Variants in HPSE2 observed in about 807,000 individuals in gnomAD.
HPSE2 encodes heparanase 2 (inactive).
A neutral mutation model predicts 60.5 loss-of-function variants in HPSE2; 38 were observed. The ratio of observed to expected loss-of-function variants is 0.63; its 90% confidence interval spans 0.48 to 0.82. The LOEUF (loss-of-function observed/expected upper bound fraction) is 0.82, where lower values mean the gene tolerates loss of function less well. Ranked by LOEUF, HPSE2 falls within the 40% of genes least tolerant of loss-of-function variation. HPSE2 has a pLI of 0.00. For synonymous variants in HPSE2, 295 were observed against 293.2 expected (o/e 1.01, Z -0.06); for missense variants, 713 against 740.4 (o/e 0.96, Z 0.43).
At chr10:98,538,693 T>C (rs1244921055) in intron 9 of HPSE2, among the ~76,000 whole-genome samples, 2 of 152,136 alleles carry the variant, frequency 1.3e-5, no homozygotes, top group African/African-American at 4.8e-5. Context: ...TGATTCTAAA[T>C]GTGTAGCCAA....
chr10:98,527,072 A>G (rs1251564144), intron 9 of HPSE2, among the ~76,000 whole-genome samples: 8 of 151,902 alleles, frequency 5.3e-5, no homozygotes, highest in Non-Finnish European at 1.2e-4. Flanking sequence ...TCTTAACCTT[A>G]CCCCTTCCTA....
At chr10:98,877,943 G>A (rs183226843) in intron 3 of HPSE2, among the ~76,000 whole-genome samples, 117 of 151,842 alleles carry the variant, frequency 7.7e-4, no homozygotes, top group African/African-American at 9.9e-4. Flanking sequence ...GGTTTAAGGC[G>A]GTCTAAGAGA....
chr10:98,964,850 A>C (rs1955774572), intron 3 of HPSE2, among the ~76,000 whole-genome samples: 1 of 151,998 alleles, frequency 6.6e-6, no homozygotes, highest in African/African-American at 2.4e-5. Flanking sequence ...TTTTCCCCCA[A>C]ATCAATGCCA....
chr10:99,144,996 CA>C (rs950548769), intron 2 of HPSE2, among the ~76,000 whole-genome samples: 4 of 152,110 alleles, frequency 2.6e-5, no homozygotes, highest in African/African-American at 4.8e-5. Context: ...TCTTTCAAAC[CA>C]AAAATATTTT....
At chr10:98,493,108 T>A (rs1032063978) in intron 9 of HPSE2, among the ~76,000 whole-genome samples, 3 of 152,230 alleles carry the variant, frequency 2.0e-5, no homozygotes, top group African/African-American at 7.2e-5. Context: ...CTTAGCATAG[T>A]GTCCTCAAGG....
intron 3 of HPSE2, among the ~76,000 whole-genome samples, chr10:98,820,899 C>T (rs1951409296): frequency 6.6e-6 from 1 of 152,206 alleles, no homozygotes. Flanking sequence ...TCTCATCATA[C>T]TCAGTATTAT....
Position 99,113,211 on chromosome 10 carries a change from C to A in HPSE2, c.610+31027G>T, listed in dbSNP as rs116210337. On this transcript the variant is annotated intron_variant, in intron 3 of 11. Coordinates refer to ENST00000370552, the MANE Select transcript of HPSE2 (RefSeq NM_021828.5). ...ATTCAATAATATTAGCTAATCTAAT[C>A]CTCATGATCTTATATTGCTTTCCCT... Among the ~76,000 whole-genome samples, 880 of 152,166 alleles carry A rather than the reference C, an allele frequency of 5.8e-3. 14 individuals are homozygous for A. The highest frequency in any genetic ancestry group is 0.02 in the African/African-American group (840 of 41,512).
intron 3 of HPSE2, among the ~76,000 whole-genome samples, chr10:98,806,371 C>T (rs2134550064): frequency 6.6e-6 from 1 of 152,230 alleles, no homozygotes; most frequent in Admixed American, 6.5e-5. Flanking sequence ...GCTTAGAGCC[C>T]CAGAATGCTA....
intron 3 of HPSE2, among the ~76,000 whole-genome samples, chr10:98,768,616 T>C (rs1950176201): frequency 6.6e-6 from 1 of 152,196 alleles, no homozygotes; most frequent in South Asian, 2.1e-4. Context: ...TTTGTTTTAT[T>C]TTATTTACTA....
intron 2 of HPSE2, among the ~76,000 whole-genome samples, chr10:99,191,260 C>G (rs1175831329): frequency 6.6e-6 from 1 of 151,936 alleles, no homozygotes; most frequent in Admixed American, 6.6e-5. Flanking sequence ...TGACTGTAGA[C>G]CCCTTAGGTG....
At position 98,926,335 on chromosome 10, in the gene HPSE2, AATTAAT is replaced by A. The variant is rs1173070188; in HGVS notation, c.611-182285_611-182280del. Among the ~76,000 whole-genome samples, 5 of 152,292 alleles carry A rather than the reference AATTAAT, an allele frequency of 3.3e-5. No homozygotes were observed. In the East Asian group the frequency reaches 9.7e-4, roughly 29 times the overall value. ...CATAAGAATTACAAGTAGGAGACAAAATTAATATTAAATATAACCAGATGGTAGTGA... is the reference window on the plus strand; with the variant it reads ...CATAAGAATTACAAGTAGGAGACAAAATTAAATATAACCAGATGGTAGTGA... On this transcript the variant is annotated intron_variant, in intron 3 of 11. Transcript: ENST00000370552.
chr10:99,187,829 C>A (rs1468889246), intron 2 of HPSE2, among the ~76,000 whole-genome samples: 2 of 152,116 alleles, frequency 1.3e-5, no homozygotes, highest in African/African-American at 4.8e-5. Context: ...AAAAGTTTGG[C>A]AATTTCTTAA....
chr10:99,020,365 C>T (rs1957236077), intron 3 of HPSE2, among the ~76,000 whole-genome samples: 1 of 152,088 alleles, frequency 6.6e-6, no homozygotes, highest in African/African-American at 2.4e-5. Flanking sequence ...AGTAAACAGA[C>T]ATAGAAAGGT....
chr10:99,186,742 T>C (rs1439481941), intron 2 of HPSE2, among the ~76,000 whole-genome samples: 2 of 151,996 alleles, frequency 1.3e-5, no homozygotes, highest in African/African-American at 4.8e-5. Context: ...TTAAAAAATA[T>C]TAAAGAAAAG....
At chr10:98,753,050 G>C (rs1228808222) in intron 3 of HPSE2, among the ~76,000 whole-genome samples, 2 of 152,170 alleles carry the variant, frequency 1.3e-5, no homozygotes, top group African/African-American at 4.8e-5. Context: ...ACTTTAGTTG[G>C]GAGGTGGGGG....
At chr10:98,506,661 T>C (rs951331896) in intron 9 of HPSE2, among the ~76,000 whole-genome samples, 4 of 152,174 alleles carry the variant, frequency 2.6e-5, no homozygotes, top group African/African-American at 9.7e-5. Flanking sequence ...TCTTGCTATG[T>C]TGCCCACTCT....
intron 2 of HPSE2, among the ~76,000 whole-genome samples, chr10:99,159,960 G>C (rs1311090085): frequency 1.3e-5 from 2 of 151,810 alleles, no homozygotes; most frequent in Non-Finnish European, 2.9e-5. Flanking sequence ...GGCCAACATG[G>C]TGAAACCCTA....
chr10:98,575,219 C>T (rs1335514428), intron 9 of HPSE2, among the ~76,000 whole-genome samples: 1 of 152,158 alleles, frequency 6.6e-6, no homozygotes, highest in Non-Finnish European at 1.5e-5. Context: ...AAGACCTAGG[C>T]ATAACTGAAT....
At chr10:99,018,308 A>C (rs890999943) in intron 3 of HPSE2, among the ~76,000 whole-genome samples, 9 of 152,184 alleles carry the variant, frequency 5.9e-5, no homozygotes, top group African/African-American at 2.2e-4. Flanking sequence ...AGGGAATGGG[A>C]GTAGTTTACG....
Sources: allele counts gnomAD v4.1 joint callset (sites outside exome capture counted in the v4.1 genomes callset), GRCh38; gene constraint gnomAD v4.1.1; transcripts MANE v1.5; gene names NCBI Gene and HGNC (gene_info 2026-07-23, HGNC 2026-07-21).